The following PLCL1 variants were observed in gnomAD, a reference collection of about 807,000 sequenced individuals.
PLCL1 encodes the protein phospholipase C like 1 (inactive).
Under a neutral mutation model 84.4 loss-of-function variants are expected in PLCL1, and 41 were observed. That is an observed-to-expected ratio of 0.49 (90% CI 0.38 to 0.63). The LOEUF (loss-of-function observed/expected upper bound fraction) is 0.63. PLCL1 is among the 30% of genes least tolerant of loss of function. The pLI, the probability that PLCL1 is intolerant of heterozygous loss-of-function variation, is 0.00. For synonymous variants in PLCL1, 490 were observed against 488.3 expected, an observed-to-expected ratio of 1.00 and a Z score of -0.05; for missense variants, 1,206 against 1,367.8, an observed-to-expected ratio of 0.88 and a Z score of 1.87.
At chr2:197,929,668 G>T (rs1688896742) in intron 1 of PLCL1, among the ~76,000 whole-genome samples, 1 of 152,200 alleles carries the variant, frequency 6.6e-6, no homozygotes, top group Non-Finnish European at 1.5e-5. Flanking sequence ...TTTTAGAACA[G>T]AGTACTGGAC....
At chr2:197,986,960 A>T (rs1203414856) in intron 1 of PLCL1, among the ~76,000 whole-genome samples, 1 of 152,224 alleles carries the variant, frequency 6.6e-6, no homozygotes, top group African/African-American at 2.4e-5. Context: ...AAGTTAAGCC[A>T]CTTGCCTAAG....
chr2:198,061,757 A>G (rs1692209000), intron 1 of PLCL1, among the ~76,000 whole-genome samples: 1 of 151,848 alleles, frequency 6.6e-6, no homozygotes, highest in Non-Finnish European at 1.5e-5. Context: ...GTGCCACCAC[A>G]CCTGGCTAAT....
intron 1 of PLCL1, among the ~76,000 whole-genome samples, chr2:197,848,022 C>T (rs565039388): frequency 1.4e-4 from 21 of 152,154 alleles, no homozygotes; most frequent in Non-Finnish European, 3.1e-4. Flanking sequence ...AATCAGATTT[C>T]TAAAGTGTTA....
intron 1 of PLCL1, among the ~76,000 whole-genome samples, chr2:198,016,678 C>A (rs1275325190): frequency 2.6e-5 from 4 of 152,132 alleles, no homozygotes; most frequent in African/African-American, 9.7e-5. Flanking sequence ...CGTCTTCTAC[C>A]ATGGCTGGCA....
chr2:198,041,288 A>G (rs112652978), intron 1 of PLCL1, among the ~76,000 whole-genome samples: 4 of 152,186 alleles, frequency 2.6e-5, no homozygotes, highest in African/African-American at 7.2e-5. Flanking sequence ...ATATTTTGCT[A>G]CCTTTGCCAC....
intron 1 of PLCL1, among the ~76,000 whole-genome samples, chr2:198,020,368 ATCAAGTTCACACATAACAATATTAACCT>A (rs1691103423): frequency 6.6e-6 from 1 of 152,194 alleles, no homozygotes; most frequent in Admixed American, 6.5e-5. Flanking sequence ...TAATGACAGG[ATCAAGTTCACACATAACAATATTAACCT>A]TAAATGTAAA....
At chr2:197,843,607 G>A (rs1687059633) in intron 1 of PLCL1, among the ~76,000 whole-genome samples, 1 of 152,154 alleles carries the variant, frequency 6.6e-6, no homozygotes, top group African/African-American at 2.4e-5. Context: ...CACAAATGGA[G>A]TATCCTGAAC....
intron 1 of PLCL1, among the ~76,000 whole-genome samples, chr2:198,064,535 T>C (rs547677876): frequency 3.9e-5 from 6 of 152,188 alleles, no homozygotes; most frequent in Non-Finnish European, 7.4e-5. Flanking sequence ...GTTCACTTTA[T>C]AATCTATTAG....
At chr2:197,855,710 C>T (rs528585193) in intron 1 of PLCL1, among the ~76,000 whole-genome samples, 1 of 152,264 alleles carries the variant, frequency 6.6e-6, no homozygotes, top group African/African-American at 2.4e-5. Context: ...ATGTCCTTCA[C>T]TTGTTCCACA....
At chr2:198,001,156 A>G (rs1574236991) in intron 1 of PLCL1, among the ~76,000 whole-genome samples, 1 of 152,278 alleles carries the variant, frequency 6.6e-6, no homozygotes, top group East Asian at 1.9e-4. Flanking sequence ...ATGCATTCCT[A>G]TTGTATCTGT....
chr2:198,093,492 G>A (rs1316318427), intron 3 of PLCL1, among the ~76,000 whole-genome samples: 1 of 152,070 alleles, frequency 6.6e-6, no homozygotes, highest in Non-Finnish European at 1.5e-5. Context: ...ACCTACCACA[G>A]ACTATTAATA....
At chr2:197,977,781 T>TG (rs778526987) in intron 1 of PLCL1, among the ~76,000 whole-genome samples, 63 of 152,334 alleles carry the variant, frequency 4.1e-4, no homozygotes, top group Non-Finnish European at 7.9e-4. Flanking sequence ...GACCTGGCCC[T>TG]GGACTACATT....
chr2:198,101,533 T>C (rs3732231), intron 4 of PLCL1, among the ~76,000 whole-genome samples, 173 bp downstream of exon 4: 102,801 of 151,768 alleles, frequency 0.68, 35,237 homozygotes, highest in East Asian at 0.81. Flanking sequence ...TTAGTACAGA[T>C]GAAATCCAAG....
intron 1 of PLCL1, among the ~76,000 whole-genome samples, chr2:197,873,033 C>T (rs1322738724): frequency 1.3e-5 from 2 of 152,038 alleles, no homozygotes; most frequent in Admixed American, 6.6e-5. Context: ...AGTTTGTCAG[C>T]GTTAACAAGG....
chr2:197,871,676 T>C (rs1411479320), intron 1 of PLCL1, among the ~76,000 whole-genome samples: 2 of 152,084 alleles, frequency 1.3e-5, no homozygotes, highest in Non-Finnish European at 2.9e-5. Context: ...TGGCATTCCT[T>C]GGCTTATAAT....
At chr2:198,116,927 C>A (rs187052324) in intron 5 of PLCL1, among the ~76,000 whole-genome samples, 5 of 151,928 alleles carry the variant, frequency 3.3e-5, no homozygotes, top group Admixed American at 3.3e-4. Flanking sequence ...GTCAGTTATA[C>A]TGAGGGATGG....
intron 1 of PLCL1, among the ~76,000 whole-genome samples, chr2:197,998,225 A>T: frequency 7.9e-6 from 1 of 126,144 alleles, no homozygotes; most frequent in South Asian, 2.8e-4. Context: ...GTGATATGAG[A>T]TTGCTTGTGC....
chr2:197,977,068 C>A (rs1426328196), intron 1 of PLCL1, among the ~76,000 whole-genome samples: 1 of 152,150 alleles, frequency 6.6e-6, no homozygotes, highest in Non-Finnish European at 1.5e-5. Flanking sequence ...ACTTGCTCTG[C>A]AAATCTCCAA....
intron 1 of PLCL1, among the ~76,000 whole-genome samples, chr2:197,813,926 G>A (rs900926929): frequency 6.6e-6 from 1 of 152,008 alleles, no homozygotes; most frequent in Non-Finnish European, 1.5e-5. Flanking sequence ...ATTTTTTATT[G>A]TTATCTTAAA....
Sources: allele counts gnomAD v4.1 joint callset (sites outside exome capture counted in the v4.1 genomes callset), GRCh38; gene constraint gnomAD v4.1.1; transcripts MANE v1.5; gene names NCBI Gene and HGNC (gene_info 2026-07-23, HGNC 2026-07-21).